Variants in SLTM observed in about 807,000 individuals in gnomAD.
SLTM encodes the protein SAFB like transcription modulator.
Under a neutral mutation model 134.6 loss-of-function variants are expected in SLTM, and 43 were observed. That is an observed-to-expected ratio of 0.32 (90% CI 0.25 to 0.41). The LOEUF (loss-of-function observed/expected upper bound fraction) is 0.41, where lower values mean the gene tolerates loss of function less well. Ranked by LOEUF, SLTM falls within the 10% of genes least tolerant of loss-of-function variation. The pLI is 1.00. For synonymous variants in SLTM, 424 were observed against 432.3 expected, an observed-to-expected ratio of 0.98 and a Z score of 0.24; for missense variants, 1,055 against 1,288.8, an observed-to-expected ratio of 0.82 and a Z score of 2.78.
rs1196278571 is a variant in SLTM at position 58,899,859 on chromosome 15, T to C, written c.668A>G (p.His223Arg). The change falls in exon 7 of 21, where the codon CAC becomes CGC. Residue 223 changes from histidine (H) to arginine (R), a missense_variant. By Grantham distance (29) the His-to-Arg change is conservative. This residue lies in a region of SLTM where 268 missense variants were observed against 284.3 expected (regional missense o/e 0.94). Transcript: ENST00000380516. The surrounding 1 kb of genome is among the most constrained non-coding windows in gnomAD (Gnocchi z 5.0). ...AGCTTCCATCTCTTCATGAGCTGTG[T>C]GATCAGCCTCAGCTAGGCTCCCTTC... Reference protein sequence around the residue: ...PSEGSLAEADHTAHEEMEAHT... With the variant: ...PSEGSLAEADRTAHEEMEAHT... 1 of 1,614,022 alleles carries C rather than the reference T, an allele frequency of 6.2e-7. No individual in the cohort carries two copies. The highest frequency in any genetic ancestry group is 8.5e-7 in the Non-Finnish European group (1 of 1,180,010).
At chr15:58,880,223 G>T (rs1475671413) in intron 20 of SLTM, 116 bp from the exon 21 acceptor site, 1 of 1,359,214 alleles carries the variant, frequency 7.4e-7, no homozygotes. Flanking sequence ...CTTTTCAACA[G>T]TCCCGTGAGG....
At chr15:58,910,214 G>T (rs528902910) in intron 5 of SLTM, among the ~76,000 whole-genome samples, 1 of 152,252 alleles carries the variant, frequency 6.6e-6, no homozygotes, top group East Asian at 1.9e-4. Flanking sequence ...GTAAACAGAG[G>T]CATAGGGGAA....
intron 2 of SLTM, among the ~76,000 whole-genome samples, chr15:58,917,730 T>G (rs1177338085): frequency 6.6e-6 from 1 of 152,090 alleles, no homozygotes; most frequent in Non-Finnish European, 1.5e-5. Flanking sequence ...ACCTGGTAGT[T>G]AGAAATTTTT....
At chr15:58,881,751 G>C (rs1445350706) in intron 20 of SLTM, among the ~76,000 whole-genome samples, 2 of 152,092 alleles carry the variant, frequency 1.3e-5, no homozygotes, top group African/African-American at 2.4e-5. Flanking sequence ...TGAGGAATAA[G>C]GGATAGCTAT....
At chr15:58,895,114 C>T (rs1397656823) in intron 9 of SLTM, among the ~76,000 whole-genome samples, 2 of 152,086 alleles carry the variant, frequency 1.3e-5, no homozygotes, top group African/African-American at 4.8e-5. Flanking sequence ...TATTTCCTCC[C>T]CTCAAATATG....
intron 2 of SLTM, among the ~76,000 whole-genome samples, chr15:58,920,384 G>C (rs1206949008): frequency 1.3e-5 from 2 of 152,092 alleles, no homozygotes; most frequent in Non-Finnish European, 2.9e-5. Flanking sequence ...AGCACTTTGG[G>C]AGGCCAAGGT....
At chr15:58,885,969 T>C (rs191217279) in intron 19 of SLTM, among the ~76,000 whole-genome samples, 2 of 152,292 alleles carry the variant, frequency 1.3e-5, no homozygotes, top group Admixed American at 6.5e-5. Context: ...ATTTCATCAG[T>C]AGAAGAATAC....
At chr15:58,880,155 C>A (rs2033582246) in intron 20 of SLTM, 48 bp from the exon 21 acceptor site, 6 of 1,593,314 alleles carry the variant, frequency 3.8e-6, no homozygotes, top group South Asian at 2.3e-5. Flanking sequence ...AAGAACAAAT[C>A]ATCACTGCAA....
chr15:58,929,663 C>T (rs962225199), intron 2 of SLTM, among the ~76,000 whole-genome samples: 2 of 152,118 alleles, frequency 1.3e-5, no homozygotes, highest in Admixed American at 1.3e-4. Context: ...TGGACTCAAG[C>T]GATCCTCCCA....
chr15:58,886,834 T>TAAAAAAAAAA, intron 19 of SLTM, 141 bp downstream of exon 19: 1 of 1,027,560 alleles, frequency 9.7e-7, no homozygotes, highest in East Asian at 2.7e-5. Context: ...TTTAAAAATT[T>TAAAAAAAAAA]AAATAAAAAA....
At position 58,899,070 on chromosome 15, in the gene SLTM, T is replaced by C. The variant is rs2035292450; in HGVS notation, c.1059-218A>G. 2 of 486,098 alleles carry C rather than the reference T, an allele frequency of 4.1e-6. No homozygotes were observed. Among genetic ancestry groups the C allele is most frequent in the Non-Finnish European group, 3.6e-6 (1 of 276,854 alleles). The allele number at this position is 486,098 out of a possible 1,614,324, so 30.1% of individuals were successfully genotyped here. On this transcript the variant is annotated intron_variant, in intron 7 of 20. Coordinates refer to ENST00000380516, the MANE Select transcript of SLTM (RefSeq NM_024755.4). The surrounding 1 kb of genome is among the most constrained non-coding windows in gnomAD (Gnocchi z 5.0). ...AGATCTAGATTTTCTGACAATTCTATTCAGTGGAAATATGGCCATCTTCTC... is the reference window on the plus strand; with the variant it reads ...AGATCTAGATTTTCTGACAATTCTACTCAGTGGAAATATGGCCATCTTCTC...
chr15:58,879,979 C>A lies in SLTM; in HGVS notation c.*20G>T. The A allele has an allele frequency of 6.2e-7, 1 of 1,611,630 alleles. No individual in the cohort carries two copies. The highest frequency in any genetic ancestry group is 1.1e-5 in the South Asian group (1 of 90,592). ...GAGATTTCAATAAATTATCTTAAAACCTTGGCAGAGAGCTCATTTTCAGAA... is the reference window on the plus strand; with the variant it reads ...GAGATTTCAATAAATTATCTTAAAAACTTGGCAGAGAGCTCATTTTCAGAA... On this transcript the variant is annotated 3_prime_UTR_variant, in exon 21 of 21. Transcript: ENST00000380516.
rs1055257188 is a variant in SLTM, at chr15:58,883,784, G to C, written c.2838C>G (p.His946Gln). 6.2e-7 allele frequency: 1 copy of C among 1,613,728 alleles called. No homozygotes were observed. Among genetic ancestry groups the C allele is most frequent in the African/African-American group, 1.3e-5 (1 of 74,858 alleles). ...CAACCACATGTCGCTCCTCAGGATA[G>C]TGCTAAAAGAATAGCATATGAAAAG... ...VITDRGGGSQ[H>Q]YPEERHVVER... is the part of the protein sequence containing the mutation. Residue 946 changes from histidine (H) to glutamine (Q), a missense_variant and splice_region_variant, in exon 20 of 21, where the codon CAC becomes CAG. Around this residue, in one of 3 missense-constraint regions of SLTM, gnomAD observed 776 missense variants for 962.2 expected, o/e 0.81. Transcript: ENST00000380516.
chr15:58,893,011 CT>C lies in SLTM; in HGVS notation c.1783del (p.Arg595GlufsTer16). The C allele has an allele frequency of 6.2e-7, 1 of 1,611,668 alleles. No homozygotes were observed. Among genetic ancestry groups the C allele is most frequent in the South Asian group, 1.1e-5 (1 of 90,680 alleles). On this transcript the variant is annotated frameshift_variant, in exon 14 of 21. Coordinates refer to ENST00000380516, the MANE Select transcript of SLTM (RefSeq NM_024755.4). LOFTEE classifies it high-confidence loss of function. ...EKERASLDKKRDKDYRRKEIL... is the reference protein window; with the variant it reads ...EKERASLDKKXDKDYRRKEIL... ...CTCTTTCCTTCTGTAGTCTTTATCT[CT>C]TTTTTTATCTAGACTAGCTCTCTCC...
At chr15:58,893,391 A>C in intron 12 of SLTM, 27 bp from the exon 13 acceptor site, 3 of 1,499,060 alleles carry the variant, frequency 2.0e-6, no homozygotes, top group Non-Finnish European at 2.7e-6. Context: ...ATATAAAACA[A>C]TGTCTAAAAT....
chr15:58,885,842 T>C (rs904706139), intron 19 of SLTM, among the ~76,000 whole-genome samples: 1 of 151,890 alleles, frequency 6.6e-6, no homozygotes, highest in African/African-American at 2.4e-5. Context: ...ACACACTGTA[T>C]TAAAATACAA....
chr15:58,893,342 C>T lies in SLTM; in HGVS notation c.1671G>A (p.Met557Ile). The change falls in exon 13 of 21, where the codon ATG (methionine) becomes ATA (isoleucine). Residue 557 changes from methionine (M) to isoleucine (I), a missense_variant. Met to Ile is a conservative substitution (Grantham distance 10). Transcript: ENST00000380516. ...KRISSKSPGH[M>I]VILDQTKGDH... ...CTCCTTTAGTTTGGTCTAGTATTAC[C>T]ATATGTCCTGGACTCTTGGAACCTA... 2 of 1,608,872 alleles carry T rather than the reference C, an allele frequency of 1.2e-6. No homozygotes were observed. Among genetic ancestry groups the T allele is most frequent in the South Asian group, 1.1e-5 (1 of 90,134 alleles).
chr15:58,932,612 G>A (rs2037957216), intron 1 of SLTM, among the ~76,000 whole-genome samples, 169 bp from the exon 2 acceptor site: 2 of 152,172 alleles, frequency 1.3e-5, no homozygotes, highest in Admixed American at 6.5e-5. Flanking sequence ...AAGAGTGAGA[G>A]AAACTTTCAG....
chr15:58,929,758 T>TCTCTGCCATTTTAGAA (rs1163837682), intron 2 of SLTM, among the ~76,000 whole-genome samples: 3 of 151,960 alleles, frequency 2.0e-5, no homozygotes, highest in Non-Finnish European at 2.9e-5. Context: ...AGAGAAAACA[T>TCTCTGCCATTTTAGAA]CTCTGCCATT....
Sources: allele counts gnomAD v4.1 joint callset (sites outside exome capture counted in the v4.1 genomes callset), GRCh38; gene constraint gnomAD v4.1.1; regional missense constraint gnomAD v4.1.1; non-coding constraint Gnocchi (gnomAD v3.1); transcripts MANE v1.5; gene names NCBI Gene and HGNC (gene_info 2026-07-23, HGNC 2026-07-21).